Variants in GPR137C observed in about 807,000 individuals in gnomAD.
GPR137C encodes the protein G protein-coupled receptor 137C.
A neutral mutation model predicts 43.4 loss-of-function variants in GPR137C; 27 were observed. The observed-to-expected ratio is 0.62, with a 90% CI of 0.46 to 0.86. GPR137C has a LOEUF of 0.86. Ranked by LOEUF, GPR137C falls within the 40% of genes least tolerant of loss-of-function variation. The pLI, the probability that GPR137C is intolerant of heterozygous loss-of-function variation, is 0.00. For missense variants in GPR137C, 522 were observed against 534.6 expected (o/e 0.98, Z 0.23); for synonymous variants, 285 against 226.9 (o/e 1.26, Z -2.30).
intron 1 of GPR137C, among the ~76,000 whole-genome samples, chr14:52,592,273 C>T (rs941983145): frequency 7.3e-5 from 11 of 151,640 alleles, no homozygotes; most frequent in Admixed American, 1.3e-4. Context: ...CCTCCAGCTT[C>T]GTTCTTTTTG....
At chr14:52,619,637 C>A (rs997264688) in intron 3 of GPR137C, among the ~76,000 whole-genome samples, 2 of 152,064 alleles carry the variant, frequency 1.3e-5, no homozygotes, top group Non-Finnish European at 2.9e-5. Flanking sequence ...AGTTTTCTCC[C>A]TGCTTCTAGA....
chr14:52,628,352 A>T (rs2039254453), intron 3 of GPR137C, among the ~76,000 whole-genome samples: 1 of 152,250 alleles, frequency 6.6e-6, no homozygotes, highest in South Asian at 2.1e-4. Flanking sequence ...ACAAAAATTA[A>T]TTCAAAATGG....
intron 3 of GPR137C, among the ~76,000 whole-genome samples, chr14:52,615,571 T>C (rs2139558899): frequency 6.6e-6 from 1 of 151,442 alleles, no homozygotes; most frequent in South Asian, 2.1e-4. Flanking sequence ...ATTTTAACAA[T>C]ATTGATTCTT....
At chr14:52,555,778 C>T (rs1170050779) in intron 1 of GPR137C, among the ~76,000 whole-genome samples, 1 of 152,058 alleles carries the variant, frequency 6.6e-6, no homozygotes, top group African/African-American at 2.4e-5. Context: ...GTTTGTCTAT[C>T]CTTTCTTTTT....
chr14:52,594,437 G>A (rs557051552), intron 1 of GPR137C, among the ~76,000 whole-genome samples: 9 of 149,082 alleles, frequency 6.0e-5, no homozygotes, highest in African/African-American at 1.7e-4. Flanking sequence ...TAAAGTCTCC[G>A]ATTATTGGGA....
chr14:52,598,459 C>A (rs1039724442), intron 2 of GPR137C, 144 bp downstream of exon 2: 6 of 428,568 alleles, frequency 1.4e-5, no homozygotes, highest in Non-Finnish European at 2.6e-5. Flanking sequence ...AGGGCACCTT[C>A]ACAGTTTTAT....
intron 3 of GPR137C, among the ~76,000 whole-genome samples, chr14:52,631,358 A>G (rs1281239028): frequency 6.6e-6 from 1 of 152,192 alleles, no homozygotes; most frequent in Non-Finnish European, 1.5e-5. Flanking sequence ...AACCAAACAC[A>G]AACTTCCAAA....
intron 1 of GPR137C, among the ~76,000 whole-genome samples, chr14:52,573,115 A>G (rs1029366871): frequency 2.0e-5 from 3 of 152,246 alleles, no homozygotes; most frequent in Admixed American, 1.3e-4. Context: ...TCATGGATAG[A>G]AGAATCAATG....
chr14:52,560,302 G>A (rs1478279141), intron 1 of GPR137C, among the ~76,000 whole-genome samples: 2 of 152,172 alleles, frequency 1.3e-5, no homozygotes, highest in East Asian at 3.9e-4. Flanking sequence ...AATATACCCT[G>A]AAAAGCTCAT....
At chr14:52,599,584 C>T (rs959445073) in intron 2 of GPR137C, among the ~76,000 whole-genome samples, 1 of 152,052 alleles carries the variant, frequency 6.6e-6, no homozygotes, top group Non-Finnish European at 1.5e-5. Flanking sequence ...CAGGCGTGTG[C>T]CGCCATACCC....
At chr14:52,612,703 G>A (rs1411830819) in intron 3 of GPR137C, 8 of 158,254 alleles carry the variant, frequency 5.1e-5, no homozygotes, top group African/African-American at 7.3e-5. Flanking sequence ...CTAGAACTGC[G>A]AGCATTCACC....
intron 1 of GPR137C, 45 bp from the exon 2 acceptor site, chr14:52,598,227 T>C: frequency 1.5e-6 from 1 of 675,324 alleles, no homozygotes; most frequent in Non-Finnish European, 2.4e-6. Context: ...TTAAGAATTC[T>C]ATATTACACG....
chr14:52,599,434 C>CTTTTTTTTTTT (rs376009711), intron 2 of GPR137C, among the ~76,000 whole-genome samples: 5 of 139,728 alleles, frequency 3.6e-5, no homozygotes, highest in Non-Finnish European at 6.2e-5. Context: ...TTTTTTTTTC[C>CTTTTTTTTTTT]TTTTTTTTTT....
chr14:52,611,943 A>G (rs577021303), intron 3 of GPR137C: 5 of 985,006 alleles, frequency 5.1e-6, no homozygotes, highest in Non-Finnish European at 6.0e-6. Context: ...GACATAGTTT[A>G]TAGAATAGGC....
At chr14:52,566,366 T>G (rs1327371816) in intron 1 of GPR137C, among the ~76,000 whole-genome samples, 1 of 152,212 alleles carries the variant, frequency 6.6e-6, no homozygotes, top group East Asian at 1.9e-4. Flanking sequence ...TTGAGCTGGT[T>G]TGAGGTGGTG....
At chr14:52,603,425 T>C (rs140831938) in intron 3 of GPR137C, among the ~76,000 whole-genome samples, 111 of 152,338 alleles carry the variant, frequency 7.3e-4, no homozygotes, top group African/African-American at 2.5e-3. Flanking sequence ...ACCTGTCTCT[T>C]TGACATAGTA....
intron 1 of GPR137C, among the ~76,000 whole-genome samples, chr14:52,576,632 C>T (rs1334032023): frequency 6.6e-6 from 1 of 152,140 alleles, no homozygotes; most frequent in African/African-American, 2.4e-5. Flanking sequence ...TATACATCAT[C>T]GAGGCAGAAA....
intron 1 of GPR137C, among the ~76,000 whole-genome samples, chr14:52,569,129 G>C (rs1023607373): frequency 2.0e-5 from 3 of 152,202 alleles, no homozygotes; most frequent in Middle Eastern, 3.2e-3. Flanking sequence ...CTGTTTGGCA[G>C]CCTCCGCTGG....
intron 1 of GPR137C, among the ~76,000 whole-genome samples, chr14:52,581,852 C>T (rs2038652192): frequency 6.6e-6 from 1 of 152,026 alleles, no homozygotes; most frequent in South Asian, 2.1e-4. Flanking sequence ...TATTTTAGAT[C>T]AACAAAAGAG....
Sources: gnomAD v4.1 joint callset for allele counts (sites outside exome capture counted in the v4.1 genomes callset) on GRCh38, gnomAD v4.1.1 for gene constraint, MANE v1.5 for transcripts, NCBI Gene and HGNC (gene_info 2026-07-23, HGNC 2026-07-21) for gene names.